Variants in SGIP1 observed in about 807,000 individuals in gnomAD.
The protein encoded by SGIP1 is SH3-containing GRB2-like protein 3-interacting protein 1.
In SGIP1, 38 loss-of-function variants were observed where a neutral mutation model predicts 107.5. That is an observed-to-expected ratio of 0.35 (90% CI 0.27 to 0.46). The LOEUF (loss-of-function observed/expected upper bound fraction) is 0.46, where lower values mean the gene tolerates loss of function less well. SGIP1 is among the 20% of genes least tolerant of loss of function. The probability of loss-of-function intolerance (pLI) is 1.00; values close to 1 mark genes in which losing one functional copy is unlikely to be tolerated. For synonymous variants in SGIP1, 365 were observed against 366.1 expected (o/e 1.00, Z 0.03); for missense variants, 929 against 1,019.5 (o/e 0.91, Z 1.21).
intron 7 of SGIP1, among the ~76,000 whole-genome samples, chr1:66,656,400 G>C (rs911794075): frequency 7.2e-5 from 11 of 152,156 alleles, no homozygotes; most frequent in African/African-American, 2.7e-4. Flanking sequence ...AAATAGTATA[G>C]TAAATACATA....
chr1:66,663,813 C>A (rs1043885285), intron 8 of SGIP1, among the ~76,000 whole-genome samples: 7 of 152,074 alleles, frequency 4.6e-5, no homozygotes, highest in African/African-American at 1.7e-4. Flanking sequence ...AGGTTTATAA[C>A]TCATTGGAAA....
Position 66,749,152 on chromosome 1 carries a change from A to ACTG in SGIP1, c.*6057_*6058insCTG, listed in dbSNP as rs1553199749. Among the ~76,000 whole-genome samples the ACTG allele has an allele frequency of 6.6e-6, 1 of 151,446 alleles. No individual in the cohort carries two copies. Among genetic ancestry groups the ACTG allele is most frequent in the Non-Finnish European group, 1.5e-5 (1 of 67,724 alleles). ...AAAACAAAACAATAAAATTATTTTAATTTTTGTATTATTTTTAAGGCTTGC... is the reference window on the plus strand; with the variant it reads ...AAAACAAAACAATAAAATTATTTTAACTGTTTTTGTATTATTTTTAAGGCTTGC... On this transcript the variant is annotated 3_prime_UTR_variant, in exon 25 of 25. Transcript: ENST00000371037.
Position 66,682,161 on chromosome 1 carries a change from T to A in SGIP1, c.1107T>A (p.Asn369Lys). ...GPPGPPGPPR[N>K]VLSPLNLEEV... ...CAGGGCCTCCTGGGCCTCCTCGCAA[T>A]GTACTATCGCCGCTCAATTTAGAAG... The change falls in exon 15 of 25, where the codon AAT (asparagine) becomes AAA (lysine). Residue 369 changes from asparagine (N) to lysine (K), a missense_variant. Coordinates refer to ENST00000371037, the MANE Select transcript of SGIP1 (RefSeq NM_032291.4). 6.2e-7 allele frequency: 1 copy of A among 1,614,148 alleles called. No homozygotes were observed. The highest frequency in any genetic ancestry group is 8.5e-7 in the Non-Finnish European group (1 of 1,180,032).
At chr1:66,601,651 T>C (rs913884321) in intron 1 of SGIP1, among the ~76,000 whole-genome samples, 1 of 152,058 alleles carries the variant, frequency 6.6e-6, no homozygotes, top group Non-Finnish European at 1.5e-5. Flanking sequence ...CCCACAGTAA[T>C]GAAAACATGT....
intron 18 of SGIP1, among the ~76,000 whole-genome samples, chr1:66,713,998 T>C (rs1406035765): frequency 6.6e-6 from 1 of 152,106 alleles, no homozygotes; most frequent in South Asian, 2.1e-4. Flanking sequence ...GTATCTCCCT[T>C]TGTTTCTGCC....
intron 22 of SGIP1, 60 bp downstream of exon 22, chr1:66,739,597 C>CCTTA: frequency 6.5e-7 from 1 of 1,548,200 alleles, no homozygotes; most frequent in Non-Finnish European, 8.9e-7. Flanking sequence ...GTCACAGACT[C>CCTTA]CTTAGCACTT....
At chr1:66,540,341 A>C (rs913183186) in intron 1 of SGIP1, among the ~76,000 whole-genome samples, 3 of 152,202 alleles carry the variant, frequency 2.0e-5, no homozygotes, top group African/African-American at 4.8e-5. Flanking sequence ...TTGTAGCACC[A>C]CCATTCAAAG....
At chr1:66,693,614 T>C (rs1413909868) in intron 17 of SGIP1, among the ~76,000 whole-genome samples, 1 of 152,222 alleles carries the variant, frequency 6.6e-6, no homozygotes, top group Non-Finnish European at 1.5e-5. Flanking sequence ...TCTGTTAAAG[T>C]TGTAATAGTA....
At chr1:66,670,069 T>C (rs1367477764) in intron 9 of SGIP1, among the ~76,000 whole-genome samples, 1 of 152,210 alleles carries the variant, frequency 6.6e-6, no homozygotes, top group African/African-American at 2.4e-5. Context: ...TGCTTTCTTA[T>C]ATGTACTTCA....
At chr1:66,736,337 TACG>T (rs1200137200) in intron 21 of SGIP1, among the ~76,000 whole-genome samples, 2 of 147,234 alleles carry the variant, frequency 1.4e-5, no homozygotes, top group East Asian at 3.9e-4. Context: ...GTGAATATAA[TACG>T]ATATATTATA....
chr1:66,649,700 A>T (rs541047865), intron 7 of SGIP1, among the ~76,000 whole-genome samples: 1 of 152,292 alleles, frequency 6.6e-6, no homozygotes, highest in East Asian at 1.9e-4. Context: ...TCAGTGCAGG[A>T]ATTAATTATA....
intron 18 of SGIP1, among the ~76,000 whole-genome samples, chr1:66,707,244 T>C (rs1222635982): frequency 6.6e-6 from 1 of 152,110 alleles, no homozygotes; most frequent in African/African-American, 2.4e-5. Flanking sequence ...TTCTAACCAA[T>C]AATAATAGAC....
intron 1 of SGIP1, among the ~76,000 whole-genome samples, chr1:66,561,644 G>T (rs2148455879): frequency 6.6e-6 from 1 of 152,120 alleles, no homozygotes; most frequent in South Asian, 2.1e-4. Flanking sequence ...CTAAAACATG[G>T]TGCTTCTGGT....
At chr1:66,698,382 T>C (rs1382730336) in intron 18 of SGIP1, among the ~76,000 whole-genome samples, 2 of 149,798 alleles carry the variant, frequency 1.3e-5, no homozygotes, top group East Asian at 3.9e-4. Context: ...GTGATGACTT[T>C]TTTTTTTTTT....
chr1:66,630,878 A>AGAAG (rs2074272534), intron 2 of SGIP1, among the ~76,000 whole-genome samples: 5 of 57,432 alleles, frequency 8.7e-5, no homozygotes, highest in Admixed American at 1.9e-4. Context: ...AAAGAAAGAA[A>AGAAG]GAAAGAAAGA....
At chr1:66,627,796 C>G (rs567756134) in intron 2 of SGIP1, among the ~76,000 whole-genome samples, 105 of 152,164 alleles carry the variant, frequency 6.9e-4, no homozygotes, top group African/African-American at 2.3e-3. Context: ...ATGTGCACAA[C>G]GTGCAGGTTT....
intron 1 of SGIP1, among the ~76,000 whole-genome samples, chr1:66,595,387 TA>T (rs1278766885): frequency 6.6e-6 from 1 of 152,178 alleles, no homozygotes; most frequent in Non-Finnish European, 1.5e-5. Context: ...TTACTGGAAG[TA>T]AAATGTATTT....
intron 1 of SGIP1, among the ~76,000 whole-genome samples, chr1:66,601,092 G>A (rs561306074): frequency 6.6e-6 from 1 of 152,248 alleles, no homozygotes; most frequent in African/African-American, 2.4e-5. Context: ...GGCCGGGCGC[G>A]GTGGCTCACG....
intron 1 of SGIP1, among the ~76,000 whole-genome samples, chr1:66,614,047 A>G (rs1458357718): frequency 1.3e-5 from 2 of 152,232 alleles, no homozygotes; most frequent in Non-Finnish European, 2.9e-5. Context: ...GGTGAAGAAA[A>G]TACCAGTGAT....
Sources: allele counts gnomAD v4.1 joint callset (sites outside exome capture counted in the v4.1 genomes callset), GRCh38; gene constraint gnomAD v4.1.1; transcripts MANE v1.5; gene names NCBI Gene and HGNC (gene_info 2026-07-23, HGNC 2026-07-21).